GMDS: variants seen among roughly 807,000 people sequenced by gnomAD.
GMDS encodes GDP-mannose 4,6 dehydratase.
GMDS carries 20 observed loss-of-function variants against 49.9 expected under a neutral mutation model. The ratio of observed to expected loss-of-function variants is 0.40; its 90% CI spans 0.28 to 0.58. The LOEUF (loss-of-function observed/expected upper bound fraction) is 0.58. GMDS is among the 20% of genes least tolerant of loss of function. GMDS has a pLI of 0.42. For missense variants in GMDS, 362 were observed against 481.4 expected, an observed-to-expected ratio of 0.75 and a Z score of 2.32; for synonymous variants, 177 against 178.6, an observed-to-expected ratio of 0.99 and a Z score of 0.07.
At chr6:1,716,207 G>A (rs570984074) in intron 9 of GMDS, among the ~76,000 whole-genome samples, 3 of 152,276 alleles carry the variant, frequency 2.0e-5, no homozygotes, top group East Asian at 1.9e-4. Context: ...AAGGATCCAC[G>A]TTTATGCTAT....
chr6:1,972,207 T>C (rs1317368202), intron 4 of GMDS, among the ~76,000 whole-genome samples: 1 of 151,574 alleles, frequency 6.6e-6, no homozygotes, highest in Admixed American at 6.6e-5. Context: ...TCTAATTTGT[T>C]CTAATTAGTT....
At chr6:2,141,632 T>A (rs571250525) in intron 1 of GMDS, among the ~76,000 whole-genome samples, 9 of 152,164 alleles carry the variant, frequency 5.9e-5, no homozygotes, top group Non-Finnish European at 1.2e-4. Flanking sequence ...AAGAAACTAC[T>A]GCCGTTTAAA....
chr6:1,729,358 T>C (rs3800030), intron 8 of GMDS, among the ~76,000 whole-genome samples: 40,755 of 151,932 alleles, frequency 0.27, 5,682 homozygotes, highest in East Asian at 0.39. Context: ...GTCTGAACGC[T>C]GTCTGCTGAA....
intron 7 of GMDS, among the ~76,000 whole-genome samples, chr6:1,901,101 C>T (rs935872157): frequency 6.6e-6 from 1 of 152,232 alleles, no homozygotes; most frequent in African/African-American, 2.4e-5. Flanking sequence ...TGGGTGCCTG[C>T]ACCTGCTTTC....
intron 7 of GMDS, among the ~76,000 whole-genome samples, chr6:1,918,347 T>C (rs761675617): frequency 3.9e-5 from 6 of 152,204 alleles, no homozygotes; most frequent in Non-Finnish European, 2.9e-5. Context: ...CTTGGTCTTA[T>C]AAGCTAATGG....
intron 4 of GMDS, among the ~76,000 whole-genome samples, chr6:2,017,337 C>A (rs1167582460): frequency 6.6e-6 from 1 of 151,844 alleles, no homozygotes; most frequent in Non-Finnish European, 1.5e-5. Context: ...GAGACAGAGT[C>A]TCACTCTGTT....
In GMDS at chr6:1,901,919, CAG is replaced by C. The variant is rs1316213507; in HGVS notation, c.771+28182_771+28183del. 9.8e-5 allele frequency among the ~76,000 whole-genome samples: 15 copies of C among 152,288 alleles called. No individual in the cohort carries two copies. The East Asian group carries it at 2.9e-3, about 29-fold the overall frequency. ...GGAGACCACACACACAGAGGGGAGA[CAG>C]GGAAAAGGGCTACTGTGGGTGCTCA... On this transcript the variant is annotated intron_variant, in intron 7 of 10. Coordinates refer to ENST00000380815, the MANE Select transcript of GMDS (RefSeq NM_001500.4).
chr6:1,750,594 A>C (rs1226319971), intron 7 of GMDS, among the ~76,000 whole-genome samples: 1 of 152,184 alleles, frequency 6.6e-6, no homozygotes, highest in Non-Finnish European at 1.5e-5. Context: ...CCCACAGACC[A>C]GGAGATTCCT....
chr6:2,128,762 C>A (rs903386623), intron 1 of GMDS, among the ~76,000 whole-genome samples: 3 of 152,232 alleles, frequency 2.0e-5, no homozygotes, highest in African/African-American at 7.2e-5. Context: ...ATGGATGAAA[C>A]AGTGCTTCCA....
chr6:1,994,341 G>A (rs1766143616), intron 4 of GMDS, among the ~76,000 whole-genome samples: 1 of 152,122 alleles, frequency 6.6e-6, no homozygotes, highest in African/African-American at 2.4e-5. Flanking sequence ...ACTCTTAGGT[G>A]ATATTAACAT....
chr6:1,986,965 C>T (rs1435578149), intron 4 of GMDS, among the ~76,000 whole-genome samples: 1 of 152,138 alleles, frequency 6.6e-6, no homozygotes, highest in Non-Finnish European at 1.5e-5. Flanking sequence ...ACACTATTCT[C>T]TTTATTTCAC....
intron 1 of GMDS, among the ~76,000 whole-genome samples, chr6:2,151,110 T>C (rs528546782): frequency 6.6e-6 from 1 of 152,134 alleles, no homozygotes; most frequent in Non-Finnish European, 1.5e-5. Context: ...TAGTATTTGC[T>C]AGCACAACAG....
intron 9 of GMDS, among the ~76,000 whole-genome samples, chr6:1,626,586 C>T (rs1293580263): frequency 1.3e-5 from 2 of 152,220 alleles, no homozygotes; most frequent in African/African-American, 4.8e-5. Context: ...GCCCATCCCT[C>T]CCCTCTCTCA....
At chr6:1,629,462 A>G (rs1451371984) in intron 9 of GMDS, among the ~76,000 whole-genome samples, 1 of 152,150 alleles carries the variant, frequency 6.6e-6, no homozygotes, top group Non-Finnish European at 1.5e-5. Context: ...CAGAGCTCAA[A>G]CAATGCTCAG....
At position 2,166,909 on chromosome 6, in the gene GMDS, C is replaced by A. The variant is rs544963847; in HGVS notation, c.103-42178G>T. 2.2e-4 allele frequency among the ~76,000 whole-genome samples: 34 copies of A among 152,326 alleles called. 1 individual carries two copies. In the South Asian group the frequency reaches 7.0e-3, roughly 32 times the overall value. ...CATCAGCCAAGATCTTGTTTACATT[C>A]TCTGTTCCTAATCCCAGGCAGCTGA... On this transcript the variant is annotated intron_variant, in intron 1 of 10. Transcript: ENST00000380815.
intron 7 of GMDS, among the ~76,000 whole-genome samples, chr6:1,798,946 T>C (rs1414705160): frequency 6.6e-6 from 1 of 152,062 alleles, no homozygotes; most frequent in Non-Finnish European, 1.5e-5. Flanking sequence ...AACTTAAAAA[T>C]CCCCCAACTT....
chr6:2,045,456 G>T (rs1769945438), intron 4 of GMDS, among the ~76,000 whole-genome samples: 1 of 151,310 alleles, frequency 6.6e-6, no homozygotes, highest in Non-Finnish European at 1.5e-5. Context: ...CTTGCTTAAG[G>T]ACAAAATTTC....
chr6:1,741,553 G>A lies in GMDS; in HGVS notation c.890+915C>T, dbSNP rs529923162. Among the ~76,000 whole-genome samples the A allele has an allele frequency of 8.5e-5, 13 of 152,136 alleles. No individual in the cohort carries two copies. In the South Asian group the frequency reaches 2.1e-3, roughly 24 times the overall value. On this transcript the variant is annotated intron_variant, in intron 8 of 10. Coordinates refer to ENST00000380815, the MANE Select transcript of GMDS (RefSeq NM_001500.4). The stretch of plus-strand genomic sequence containing the variant: ...TGGCCAGGCGTGGTGGTTCATGCCT[G>A]TAATCCCAGCACTTTGGGAGGCCAA...
At chr6:1,696,839 A>C (rs918077062) in intron 9 of GMDS, among the ~76,000 whole-genome samples, 2 of 152,244 alleles carry the variant, frequency 1.3e-5, no homozygotes, top group African/African-American at 4.8e-5. Context: ...ATGGATGAAG[A>C]GCCTCAGATT....
Sources: gnomAD v4.1 joint callset for allele counts (sites outside exome capture counted in the v4.1 genomes callset) on GRCh38, gnomAD v4.1.1 for gene constraint, MANE v1.5 for transcripts, NCBI Gene and HGNC (gene_info 2026-07-23, HGNC 2026-07-21) for gene names.